RTBDN: variants seen among roughly 807,000 people sequenced by gnomAD.
RTBDN encodes the protein retbindin.
In RTBDN, 24 loss-of-function variants were observed where a neutral mutation model predicts 21.9. That is an observed-to-expected ratio of 1.10 (90% CI 0.79 to 1.54). The LOEUF (loss-of-function observed/expected upper bound fraction) is 1.54. Ranked by LOEUF, RTBDN falls within the 40% of genes most tolerant of loss-of-function variation. The pLI, the probability that RTBDN is intolerant of heterozygous loss-of-function variation, is 0.00. For synonymous variants in RTBDN, 141 were observed against 125.9 expected (o/e 1.12, Z -0.80); for missense variants, 325 against 315.2 (o/e 1.03, Z -0.23).
Position 12,829,836 on chromosome 19 carries a change from C to T in RTBDN, c.144G>A (p.Leu48=), listed in dbSNP as rs139176260. 3.7e-6 allele frequency: 6 copies of T among 1,613,330 alleles called. No individual in the cohort carries two copies. Among genetic ancestry groups the T allele is most frequent in the African/African-American group, 2.7e-5 (2 of 74,906 alleles). Residue 48 remains leucine (L), a synonymous_variant, in exon 2 of 6, where the codon CTG becomes CTA. Transcript: ENST00000674343. ...CTGCCAGGTGCAGCTTGCCTTTGCC[C>T]AGATCAGCTGCCAGCCCATGGTGTT... The part of the protein sequence containing the change: ...SQQHHGLAAD[L]GKGKLHLAGP...
upstream of RTBDN, chr19:12,834,925 T>C (rs1969705470): frequency 1.8e-5 from 28 of 1,568,134 alleles, no homozygotes; most frequent in Non-Finnish European, 2.5e-5. The surrounding 1 kb of genome is among the most constrained non-coding windows in gnomAD (Gnocchi z 4.7). Context: ...TGATGATATC[T>C]GTGCCCCAAG....
At chr19:12,832,627 A>AG (rs1273207447) in intron 1 of RTBDN, 11 of 152,244 alleles carry the variant, frequency 7.2e-5, no homozygotes, top group African/African-American at 2.7e-4. Context: ...ATAGGTCGCC[A>AG]GGGGCGGAGT....
upstream of RTBDN, chr19:12,834,712 C>A (rs1228328537): frequency 1.3e-6 from 2 of 1,558,532 alleles, no homozygotes; most frequent in South Asian, 1.1e-5. The surrounding 1 kb of genome is among the most constrained non-coding windows in gnomAD (Gnocchi z 4.7). Context: ...GTCCACTGCA[C>A]GGAGTGGGAC....
At chr19:12,833,344 G>A (rs957022126) in intron 1 of RTBDN, among the ~76,000 whole-genome samples, 1 of 151,876 alleles carries the variant, frequency 6.6e-6, no homozygotes, top group South Asian at 2.1e-4. Flanking sequence ...CTGATTGGGG[G>A]TATCCTTTAC....
At chr19:12,827,045 T>A (rs1031493533) in intron 4 of RTBDN, among the ~76,000 whole-genome samples, 174 bp from the exon 5 acceptor site, 7 of 152,174 alleles carry the variant, frequency 4.6e-5, no homozygotes, top group Non-Finnish European at 1.0e-4. Context: ...CTGCCCCATA[T>A]TCTATCAGAT....
intron 5 of RTBDN, chr19:12,826,264 G>C: frequency 8.0e-7 from 1 of 1,255,506 alleles, no homozygotes; most frequent in Non-Finnish European, 1.0e-6. Flanking sequence ...ATGGTTTCTT[G>C]GGAAGGGCAA....
chr19:12,835,042 C>T (rs750835575), upstream of RTBDN: 4 of 1,605,098 alleles, frequency 2.5e-6, no homozygotes, highest in African/African-American at 5.3e-5. Flanking sequence ...CAGGCTCCAT[C>T]CCCAGCCTGA....
intron 5 of RTBDN, 114 bp from the exon 6 acceptor site, chr19:12,826,047 C>T: frequency 7.0e-7 from 1 of 1,423,202 alleles, no homozygotes; most frequent in Non-Finnish European, 9.2e-7. Flanking sequence ...AGAGCCGGAG[C>T]GTGCGGCCTG....
chr19:12,834,487 AC>A lies in RTBDN; in HGVS notation c.-19+1del. 1.3e-6 allele frequency: 2 copies of A among 1,535,060 alleles called. No individual in the cohort carries two copies. Among genetic ancestry groups the A allele is most frequent in the South Asian group, 2.4e-5 (2 of 84,054 alleles). ...ATAGGACGCCCTGCGTCCCCCACGC[AC>A]CTGCCTGGCCATCAGGATTCTTCCT... On this transcript the variant is annotated splice_donor_variant, in intron 1 of 5. Transcript: ENST00000674343. LOFTEE classifies it low-confidence loss of function (5UTR_SPLICE). This position sits in a 1 kb window ranked among gnomAD's most constrained non-coding sequence, Gnocchi z 4.7.
intron 4 of RTBDN, 22 bp from the exon 5 acceptor site, chr19:12,826,893 G>T (rs1267226047): frequency 1.3e-6 from 2 of 1,508,630 alleles, no homozygotes; most frequent in Non-Finnish European, 1.8e-6. Context: ...GAGTGGAGAG[G>T]TGGGTAAAGC....
chr19:12,829,194 CT>C (rs142640807), intron 2 of RTBDN, among the ~76,000 whole-genome samples: 118 of 146,666 alleles, frequency 8.0e-4, no homozygotes, highest in Admixed American at 4.6e-3. Context: ...AATCCTTTTC[CT>C]TTTTTTTTTT....
At position 12,825,695 on chromosome 19, in the gene RTBDN, C is replaced by T; in HGVS notation, c.*11G>A. On this transcript the variant is annotated 3_prime_UTR_variant, in exon 6 of 6. Coordinates refer to ENST00000674343, the MANE Select transcript of RTBDN (RefSeq NM_001270441.2). ...GAAGGGTCGCTCCCCCAACTCAGGG[C>T]CACGCGTCCGCTAGGGGCCGCTGCC... 6.4e-7 allele frequency: 1 copy of T among 1,554,116 alleles called. No homozygotes were observed. Among genetic ancestry groups the T allele is most frequent in the Non-Finnish European group, 8.7e-7 (1 of 1,150,394 alleles).
chr19:12,828,686 C>T lies in RTBDN; in HGVS notation c.336G>A (p.Gln112=). The T allele has an allele frequency of 6.2e-7, 1 of 1,614,158 alleles. No individual in the cohort carries two copies. Among genetic ancestry groups the T allele is most frequent in the African/African-American group, 1.3e-5 (1 of 75,066 alleles). The change falls in exon 4 of 6, where the codon CAG becomes CAA. Residue 112 remains glutamine (Q), a synonymous_variant. Coordinates refer to ENST00000674343, the MANE Select transcript of RTBDN (RefSeq NM_001270441.2). ...CCTGGCAGAGCTCCTCGCAGAGCGG[C>T]TGTGCCTGGCGTACCCCCAATAGCC... The part of the protein sequence containing the change: ...RLRLLGVRQA[Q]PLCEELCQAW...
rs766008124 is a variant in RTBDN, at chr19:12,830,693, C to T, written c.-18-696G>A. On this transcript the variant is annotated intron_variant, in intron 1 of 5. Transcript: ENST00000674343. This position sits in a 1 kb window ranked among gnomAD's most constrained non-coding sequence, Gnocchi z 4.2. ...AAACTGGCTGCTGAAAGGGGCGTGG[C>T]TTAATGCAGGGGCGGGACCTCCCAC... The T allele has an allele frequency of 1.0e-6, 1 of 985,644 alleles. No individual in the cohort carries two copies. The highest frequency in any genetic ancestry group is 1.2e-6 in the Non-Finnish European group (1 of 830,078). The allele number at this position is 985,644 out of a possible 1,614,324, so 61.1% of individuals were successfully genotyped here.
Position 12,830,801 on chromosome 19 carries a change from A to G in RTBDN, c.-18-804T>C, listed in dbSNP as rs1969543232. ...TATCCTTGTGTTTGTTTTTATGTTC[A>G]GCTTGTGGCTTAAGCTCTGTATCTA... On this transcript the variant is annotated intron_variant, in intron 1 of 5. Transcript: ENST00000674343. This position sits in a 1 kb window ranked among gnomAD's most constrained non-coding sequence, Gnocchi z 4.2. 2 of 336,580 alleles carry G rather than the reference A, an allele frequency of 5.9e-6. No individual in the cohort carries two copies. The highest frequency in any genetic ancestry group is 4.2e-6 in the Non-Finnish European group (1 of 237,052). 20.8% of individuals were successfully genotyped at this position (336,580 alleles called of 1,614,324 possible). A position where few individuals can be genotyped will look rare whatever the true frequency, so the allele number is the denominator to read the frequency against.
intron 5 of RTBDN, 115 bp from the exon 6 acceptor site, chr19:12,826,048 G>C (rs976517145): frequency 7.0e-6 from 10 of 1,427,134 alleles, no homozygotes; most frequent in Middle Eastern, 1.8e-4. Context: ...GAGCCGGAGC[G>C]TGCGGCCTGG....
chr19:12,830,283 T>C lies in RTBDN; in HGVS notation c.-18-286A>G. The C allele has an allele frequency of 3.4e-6, 4 of 1,164,266 alleles. No individual in the cohort carries two copies. Among genetic ancestry groups the C allele is most frequent in the Non-Finnish European group, 4.2e-6 (4 of 941,744 alleles). The allele number at this position is 1,164,266 out of a possible 1,614,324, so 72.1% of individuals were successfully genotyped here. ...CTCCCATCCAGCAGGATCTCCCACCTTTTTAGTCTTCAAGAGACCCCTTCT... is the reference window on the plus strand; with the variant it reads ...CTCCCATCCAGCAGGATCTCCCACCCTTTTAGTCTTCAAGAGACCCCTTCT... On this transcript the variant is annotated intron_variant, in intron 1 of 5. Coordinates refer to ENST00000674343, the MANE Select transcript of RTBDN (RefSeq NM_001270441.2). This position sits in a 1 kb window ranked among gnomAD's most constrained non-coding sequence, Gnocchi z 4.2.
rs1969521040 is a variant in RTBDN at position 12,830,372 on chromosome 19, C to T, written c.-18-375G>A. ...CCCCCTCTCCTGTTCAGTAATTCCTCCCTCTCTTCTATGCGGCCTCCCTCC... is the reference window on the plus strand; with the variant it reads ...CCCCCTCTCCTGTTCAGTAATTCCTTCCTCTCTTCTATGCGGCCTCCCTCC... On this transcript the variant is annotated intron_variant, in intron 1 of 5. Transcript: ENST00000674343. The surrounding 1 kb of genome is among the most constrained non-coding windows in gnomAD (Gnocchi z 4.2). The T allele has an allele frequency of 1.0e-6, 1 of 1,002,510 alleles. No individual in the cohort carries two copies. Among genetic ancestry groups the T allele is most frequent in the Admixed American group, 5.8e-5 (1 of 17,354 alleles). 62.1% of individuals were successfully genotyped at this position (1,002,510 alleles called of 1,614,324 possible).
chr19:12,835,361 G>A (rs2145873537), upstream of RTBDN: 2 of 506,328 alleles, frequency 4.0e-6, no homozygotes, highest in South Asian at 5.3e-5. Context: ...CGAGAGAAGG[G>A]AGGCAGCTGC....
Sources: gnomAD v4.1 joint callset for allele counts (sites outside exome capture counted in the v4.1 genomes callset) on GRCh38, gnomAD v4.1.1 for gene constraint, Gnocchi (gnomAD v3.1) non-coding constraint, MANE v1.5 for transcripts, NCBI Gene and HGNC (gene_info 2026-07-23, HGNC 2026-07-21) for gene names.